RIMBP2: variants seen among roughly 807,000 people sequenced by gnomAD.
The protein encoded by RIMBP2 is RIMS binding protein 2, also known as RIMS-binding protein 2.
RIMBP2 carries 48 observed loss-of-function variants against 118.6 expected under a neutral mutation model. The observed-to-expected ratio is 0.40, with a 90% confidence interval of 0.32 to 0.51. The LOEUF (loss-of-function observed/expected upper bound fraction) is 0.51. Ranked by LOEUF, RIMBP2 falls within the 20% of genes least tolerant of loss-of-function variation. The pLI is 0.41. For synonymous variants in RIMBP2, 762 were observed against 742.9 expected (o/e 1.03, Z -0.42); for missense variants, 1,551 against 1,768.3 (o/e 0.88, Z 2.20).
chr12:130,424,194 CTACTGTCG>C lies in RIMBP2; in HGVS notation c.3069_3076del (p.Asp1024GlyfsTer67). ...TGGCTTTGCGTGGGGGGCAGCTGCC[CTACTGTCG>C]GGCATGGTTATGCTTTTCTTCCAGA... On this transcript the variant is annotated frameshift_variant, in exon 16 of 23. Transcript: ENST00000690449. LOFTEE classifies it high-confidence loss of function. The surrounding 1 kb of genome is among the most constrained non-coding windows in gnomAD (Gnocchi z 9.8). 2.4e-6 allele frequency: 3 copies of C among 1,231,932 alleles called. No individual in the cohort carries two copies. In the African/African-American group the frequency reaches 4.7e-5, roughly 19 times the overall value. The allele number at this position is 1,231,932 out of a possible 1,614,324, so 76.3% of individuals were successfully genotyped here.
At chr12:130,583,142 A>T (rs1019910643) in intron 2 of RIMBP2, among the ~76,000 whole-genome samples, 2 of 150,146 alleles carry the variant, frequency 1.3e-5, no homozygotes, top group South Asian at 4.2e-4. Context: ...CAGTGCACCG[A>T]CTCCATCCCC....
At chr12:130,480,079 C>G (rs1018844316) in intron 4 of RIMBP2, among the ~76,000 whole-genome samples, 1 of 151,802 alleles carries the variant, frequency 6.6e-6, no homozygotes, top group Non-Finnish European at 1.5e-5. Flanking sequence ...CCACAGCGGG[C>G]GGGTGGGTAG....
At chr12:130,477,442 G>A (rs994207606) in intron 5 of RIMBP2, among the ~76,000 whole-genome samples, 5 of 152,174 alleles carry the variant, frequency 3.3e-5, no homozygotes, top group Non-Finnish European at 7.3e-5. Flanking sequence ...ACCCGGCCAC[G>A]GGAAAGGTCC....
intron 17 of RIMBP2, among the ~76,000 whole-genome samples, chr12:130,421,288 T>C (rs1205215479): frequency 6.6e-6 from 1 of 152,248 alleles, no homozygotes; most frequent in Non-Finnish European, 1.5e-5. Context: ...GTGCCATCAA[T>C]GTTCTGTGAG....
At chr12:130,432,512 C>A (rs2136956770) in intron 14 of RIMBP2, among the ~76,000 whole-genome samples, 1 of 152,220 alleles carries the variant, frequency 6.6e-6, no homozygotes, top group East Asian at 1.9e-4. Flanking sequence ...AAACCTTAAC[C>A]CCCAGTGTGA....
intron 2 of RIMBP2, among the ~76,000 whole-genome samples, chr12:130,574,545 G>A (rs1012304244): frequency 2.7e-4 from 41 of 152,306 alleles, no homozygotes; most frequent in African/African-American, 9.9e-4. Context: ...GTGTGTGAGA[G>A]ACATGGAGAT....
chr12:130,425,279 G>A (rs187253842), intron 15 of RIMBP2: 49 of 161,438 alleles, frequency 3.0e-4, no homozygotes, highest in Admixed American at 7.1e-4. Flanking sequence ...ACTGGAGGCC[G>A]TGTGTGACTG....
chr12:130,630,636 C>G (rs2061935789), intron 1 of RIMBP2, among the ~76,000 whole-genome samples: 1 of 151,986 alleles, frequency 6.6e-6, no homozygotes, highest in African/African-American at 2.4e-5. Context: ...CCATGAGATT[C>G]AAGAAGGTGA....
chr12:130,583,994 C>T (rs1051861365), intron 2 of RIMBP2, among the ~76,000 whole-genome samples: 2 of 150,778 alleles, frequency 1.3e-5, no homozygotes, highest in Non-Finnish European at 3.0e-5. Context: ...ACCGTCACCA[C>T]CATTACATCA....
chr12:130,560,255 A>T (rs187141121), intron 2 of RIMBP2, among the ~76,000 whole-genome samples: 3 of 152,192 alleles, frequency 2.0e-5, no homozygotes, highest in Admixed American at 6.5e-5. Flanking sequence ...CATTCTTATT[A>T]AACCTGCTTA....
intron 4 of RIMBP2, among the ~76,000 whole-genome samples, chr12:130,484,625 C>T (rs536520449): frequency 4.6e-5 from 7 of 152,238 alleles, no homozygotes; most frequent in Admixed American, 1.3e-4. Flanking sequence ...ATCAAACTGC[C>T]GCCTTCATGG....
intron 19 of RIMBP2, among the ~76,000 whole-genome samples, chr12:130,408,314 G>A (rs1483974769): frequency 6.6e-6 from 1 of 152,186 alleles, no homozygotes; most frequent in African/African-American, 2.4e-5. Context: ...CAAAACTAAG[G>A]CACTGTCCTC....
In RIMBP2 at chr12:130,464,410, T is replaced by C. The variant is rs142134624; in HGVS notation, c.153+6283A>G. 5.9e-3 allele frequency among the ~76,000 whole-genome samples: 897 copies of C among 152,262 alleles called. 6 individuals are homozygous for C. The highest frequency in any genetic ancestry group is 8.7e-3 in the Non-Finnish European group (589 of 68,008). The stretch of plus-strand genomic sequence containing the variant: ...ATGTGCCAGGCCCTACGTGATTTCA[T>C]TGATCACTGGCTGAATACCTGCTAT... On this transcript the variant is annotated intron_variant, in intron 6 of 22. Coordinates refer to ENST00000690449, the MANE Select transcript of RIMBP2 (RefSeq NM_001393629.1).
At chr12:130,559,077 G>T (rs949004254) in intron 2 of RIMBP2, among the ~76,000 whole-genome samples, 1 of 151,674 alleles carries the variant, frequency 6.6e-6, no homozygotes, top group South Asian at 2.1e-4. Flanking sequence ...TATTTATGGG[G>T]TACAATGTGA....
At chr12:130,498,366 C>T (rs983942820) in intron 4 of RIMBP2, among the ~76,000 whole-genome samples, 2 of 152,242 alleles carry the variant, frequency 1.3e-5, no homozygotes, top group Non-Finnish European at 2.9e-5. Flanking sequence ...CAGTATTTAT[C>T]GAGTGTCTAC....
intron 2 of RIMBP2, among the ~76,000 whole-genome samples, chr12:130,613,431 C>T (rs368700028): frequency 3.3e-5 from 5 of 152,184 alleles, no homozygotes; most frequent in East Asian, 3.9e-4. Context: ...CCCCCCACCC[C>T]GCAGGCAGAG....
intron 2 of RIMBP2, among the ~76,000 whole-genome samples, chr12:130,524,784 C>T (rs1262196442): frequency 2.0e-5 from 3 of 152,120 alleles, no homozygotes; most frequent in Admixed American, 2.0e-4. Flanking sequence ...CAGCAGAAAG[C>T]AGAAAGAGGA....
chr12:130,618,920 G>A (rs939679197), intron 2 of RIMBP2, among the ~76,000 whole-genome samples: 5 of 152,088 alleles, frequency 3.3e-5, no homozygotes, highest in East Asian at 1.9e-4. Flanking sequence ...AAGAGAGGAC[G>A]AATGTTCGGA....
Position 130,676,282 on chromosome 12 carries a change from G to GAA in RIMBP2, c.-352+39938_-352+39939dup, listed in dbSNP as rs35374453. Among the ~76,000 whole-genome samples, 19 of 146,738 alleles carry GAA rather than the reference G, an allele frequency of 1.3e-4. No homozygotes were observed. The East Asian group carries it at 1.6e-3, about 13-fold the overall frequency. On this transcript the variant is annotated intron_variant, in intron 1 of 22. Transcript: ENST00000690449. ...CTTTATTCTTAACTGCCCAAAATTG[G>GAA]AAAAAAAATCCAAATGTCCCTCAGT...
Sources: allele counts gnomAD v4.1 joint callset (sites outside exome capture counted in the v4.1 genomes callset), GRCh38; gene constraint gnomAD v4.1.1; non-coding constraint Gnocchi (gnomAD v3.1); transcripts MANE v1.5; gene names NCBI Gene and HGNC (gene_info 2026-07-23, HGNC 2026-07-21).